FMN1: variants seen among roughly 807,000 people sequenced by gnomAD.
FMN1 encodes formin-1.
Under a neutral mutation model 132.4 loss-of-function variants are expected in FMN1, and 110 were observed. The observed-to-expected ratio is 0.83, with a 90% confidence interval of 0.71 to 0.97. The LOEUF (loss-of-function observed/expected upper bound fraction) is 0.97. Ranked by LOEUF, FMN1 falls within the 50% of genes least tolerant of loss-of-function variation. The probability of loss-of-function intolerance (pLI) is 0.00; values close to 1 mark genes in which losing one functional copy is unlikely to be tolerated. For missense variants in FMN1, 1,792 were observed against 1,705.3 expected (o/e 1.05, Z -0.90); for synonymous variants, 722 against 651.7 (o/e 1.11, Z -1.64).
At chr15:33,166,684 A>C (rs946340063) in intron 3 of FMN1, among the ~76,000 whole-genome samples, 1 of 152,210 alleles carries the variant, frequency 6.6e-6, no homozygotes, top group East Asian at 1.9e-4. Context: ...AGAGTTTTAC[A>C]AACTCTTCTG....
At chr15:32,836,696 C>CA (rs1555468334) in intron 17 of FMN1, among the ~76,000 whole-genome samples, 3 of 151,202 alleles carry the variant, frequency 2.0e-5, no homozygotes, top group Non-Finnish European at 4.4e-5. Context: ...CAGTCTCTCT[C>CA]TTTTTTTTTA....
intron 15 of FMN1, among the ~76,000 whole-genome samples, chr15:32,890,042 G>A (rs1035911346): frequency 6.6e-6 from 1 of 152,180 alleles, no homozygotes; most frequent in Non-Finnish European, 1.5e-5. Flanking sequence ...CCATTCCTGA[G>A]TTACTCCACT....
At chr15:33,049,263 C>CTCA (rs1306253155) in intron 6 of FMN1, among the ~76,000 whole-genome samples, 1 of 152,116 alleles carries the variant, frequency 6.6e-6, no homozygotes, top group Non-Finnish European at 1.5e-5. Context: ...TTGGACTTAG[C>CTCA]TCATGCATTA....
chr15:32,808,591 T>A (rs984506806), intron 17 of FMN1, among the ~76,000 whole-genome samples: 2 of 152,182 alleles, frequency 1.3e-5, no homozygotes, highest in African/African-American at 4.8e-5. Flanking sequence ...CGTCAGAAAA[T>A]CACTTAACTC....
chr15:32,839,148 G>T lies in FMN1; in HGVS notation c.3928+17867C>A, dbSNP rs368628854. On this transcript the variant is annotated intron_variant, in intron 17 of 20. Transcript: ENST00000616417. ...GCCCCCAGATCAAAGCCAAGGACCA[G>T]CAAGCCAAGCAAAGATGGGTTCCAG... is the stretch of plus-strand genomic sequence containing the variant. Among the ~76,000 whole-genome samples, 22 of 152,280 alleles carry T rather than the reference G, an allele frequency of 1.4e-4. No individual in the cohort carries two copies. The East Asian group carries it at 1.5e-3, about 11-fold the overall frequency.
At chr15:32,918,780 G>A (rs748841558) in intron 10 of FMN1, among the ~76,000 whole-genome samples, 7 of 152,144 alleles carry the variant, frequency 4.6e-5, no homozygotes, top group Non-Finnish European at 1.0e-4. Context: ...TACATTCCAG[G>A]CAGATTGGAT....
At chr15:33,009,214 C>T (rs957384433) in intron 6 of FMN1, among the ~76,000 whole-genome samples, 2 of 152,158 alleles carry the variant, frequency 1.3e-5, no homozygotes, top group African/African-American at 4.8e-5. Context: ...TCATTATCCC[C>T]ACCAGCACCA....
At chr15:33,000,495 G>T (rs1229524978) in intron 7 of FMN1, among the ~76,000 whole-genome samples, 1 of 150,080 alleles carries the variant, frequency 6.7e-6, no homozygotes, top group Non-Finnish European at 1.5e-5. Context: ...AGGAATTTAG[G>T]GCTGAGCATA....
At chr15:33,013,224 A>G (rs1201313463) in intron 6 of FMN1, among the ~76,000 whole-genome samples, 1 of 152,216 alleles carries the variant, frequency 6.6e-6, no homozygotes, top group Admixed American at 6.5e-5. Flanking sequence ...ACTCCCGTGT[A>G]TGGGCAAAAG....
chr15:33,117,366 A>G (rs1365808336), intron 4 of FMN1, among the ~76,000 whole-genome samples: 1 of 141,580 alleles, frequency 7.1e-6, no homozygotes, highest in Non-Finnish European at 1.6e-5. Context: ...AAGCATCGAA[A>G]CCATAGCTGC....
At chr15:33,192,073 C>A (rs1020363508) in intron 2 of FMN1, among the ~76,000 whole-genome samples, 1 of 152,166 alleles carries the variant, frequency 6.6e-6, no homozygotes, top group Admixed American at 6.6e-5. Flanking sequence ...TATGAAATAT[C>A]CATTATGAAC....
chr15:33,040,311 T>C (rs1236976990), intron 6 of FMN1, among the ~76,000 whole-genome samples: 2 of 152,172 alleles, frequency 1.3e-5, no homozygotes, highest in Non-Finnish European at 2.9e-5. Context: ...TCACTCTTTC[T>C]ATAACCGCAC....
chr15:32,993,416 C>G (rs2033563162), intron 7 of FMN1, among the ~76,000 whole-genome samples: 1 of 151,976 alleles, frequency 6.6e-6, no homozygotes, highest in African/African-American at 2.4e-5. Context: ...TAAAACAAAA[C>G]AAACAGAACT....
intron 17 of FMN1, among the ~76,000 whole-genome samples, chr15:32,823,266 A>G (rs564366388): frequency 1.6e-4 from 22 of 141,816 alleles, no homozygotes; most frequent in South Asian, 9.0e-4. Context: ...GGTTCACACC[A>G]TTCTCCTGCT....
At chr15:33,041,536 A>G (rs1198194850) in intron 6 of FMN1, among the ~76,000 whole-genome samples, 1 of 151,992 alleles carries the variant, frequency 6.6e-6, no homozygotes, top group Non-Finnish European at 1.5e-5. Flanking sequence ...AATGTTTACA[A>G]TCTGATTAAA....
At chr15:32,934,498 C>T (rs1596305187) in intron 9 of FMN1, among the ~76,000 whole-genome samples, 2 of 152,026 alleles carry the variant, frequency 1.3e-5, no homozygotes, top group African/African-American at 4.8e-5. Flanking sequence ...AAAGGCTTTC[C>T]TGTATCATTT....
At chr15:32,996,276 A>G (rs1017147272) in intron 7 of FMN1, among the ~76,000 whole-genome samples, 1 of 152,210 alleles carries the variant, frequency 6.6e-6, no homozygotes, top group Non-Finnish European at 1.5e-5. Flanking sequence ...GACAGCACAA[A>G]CAGGATTCAA....
intron 9 of FMN1, among the ~76,000 whole-genome samples, chr15:32,945,347 G>A (rs2061486857): frequency 6.6e-6 from 1 of 152,070 alleles, no homozygotes; most frequent in Non-Finnish European, 1.5e-5. Flanking sequence ...GGAAGTATTG[G>A]AAGTAACTTT....
chr15:32,930,728 G>T (rs181390853), intron 9 of FMN1, among the ~76,000 whole-genome samples: 89 of 151,560 alleles, frequency 5.9e-4, no homozygotes, highest in African/African-American at 2.1e-3. Context: ...TTTGGGGGGG[G>T]GCGGTCTATG....
Sources: allele counts gnomAD v4.1 joint callset (sites outside exome capture counted in the v4.1 genomes callset), GRCh38; gene constraint gnomAD v4.1.1; transcripts MANE v1.5; gene names NCBI Gene and HGNC (gene_info 2026-07-23, HGNC 2026-07-21).